The following EFCAB12 variants were observed in gnomAD, a reference collection of about 807,000 sequenced individuals.
EFCAB12 encodes the protein EF-hand calcium binding domain 12, also known as EF-hand calcium-binding domain-containing protein 12.
A neutral mutation model predicts 53.6 loss-of-function variants in EFCAB12; 43 were observed. The ratio of observed to expected loss-of-function variants is 0.80; its 90% CI spans 0.63 to 1.03. The LOEUF (loss-of-function observed/expected upper bound fraction) is 1.03, where lower values mean the gene tolerates loss of function less well. Ranked by LOEUF, EFCAB12 falls within the 50% of genes least tolerant of loss-of-function variation. EFCAB12 has a pLI of 0.00. For synonymous variants in EFCAB12, 269 were observed against 289.2 expected, an observed-to-expected ratio of 0.93 and a Z score of 0.71; for missense variants, 646 against 730.6, an observed-to-expected ratio of 0.88 and a Z score of 1.34.
At chr3:129,402,708 T>C (rs2071889562) in intron 7 of EFCAB12, 129 bp from the exon 8 acceptor site, 2 of 899,440 alleles carry the variant, frequency 2.2e-6, no homozygotes, top group Non-Finnish European at 3.3e-6. Flanking sequence ...GAAAGAAAAA[T>C]GTCTTCCACC....
At chr3:129,404,972 C>T (rs968882317) in intron 6 of EFCAB12, among the ~76,000 whole-genome samples, 1 of 152,164 alleles carries the variant, frequency 6.6e-6, no homozygotes, top group African/African-American at 2.4e-5. Context: ...ACCACCATGC[C>T]TGGCTGATTT....
chr3:129,421,850 T>C, intron 1 of EFCAB12, 47 bp from the exon 2 acceptor site: 1 of 1,536,974 alleles, frequency 6.5e-7, no homozygotes, highest in Non-Finnish European at 8.8e-7. Flanking sequence ...GGAAGAGGAC[T>C]GAAAGGAGCC....
chr3:129,404,501 TTCACA>T, intron 6 of EFCAB12, 98 bp from the exon 7 acceptor site: 2 of 1,269,314 alleles, frequency 1.6e-6, no homozygotes, highest in Non-Finnish European at 2.1e-6. Context: ...TTTTTTTTAA[TTCACA>T]TTTTTAAGAC....
chr3:129,407,606 T>C (rs1203504646), intron 6 of EFCAB12, among the ~76,000 whole-genome samples: 1 of 152,198 alleles, frequency 6.6e-6, no homozygotes, highest in Admixed American at 6.5e-5. Flanking sequence ...GAGAAGATCC[T>C]GCCCATTAAA....
rs1368065187 is a variant in EFCAB12, at chr3:129,408,581, C to T, written c.1249+64G>A. 3 of 1,518,872 alleles carry T rather than the reference C, an allele frequency of 2.0e-6. No individual in the cohort carries two copies. In the East Asian group the frequency reaches 7.4e-5, roughly 37 times the overall value. The allele number at this position is 1,518,872 out of a possible 1,614,324, so 94.1% of individuals were successfully genotyped here. A position where few individuals can be genotyped will look rare whatever the true frequency, so the allele number is the denominator to read the frequency against. On this transcript the variant is annotated intron_variant, in intron 6 of 8. Coordinates refer to ENST00000505956, the MANE Select transcript of EFCAB12 (RefSeq NM_207307.3). ...GCTGCATGGGTGCCCTGGGTGGCAT[C>T]ACCCTCACCCCAGCTCTGGGGTTCC...
chr3:129,417,670 T>G (rs2107740417), intron 3 of EFCAB12, among the ~76,000 whole-genome samples: 1 of 152,330 alleles, frequency 6.6e-6, no homozygotes, highest in African/African-American at 2.4e-5. Context: ...ATGTGACTAC[T>G]GAGCACTCAA....
At chr3:129,419,427 G>A (rs940127809) in intron 2 of EFCAB12, among the ~76,000 whole-genome samples, 1 of 152,162 alleles carries the variant, frequency 6.6e-6, no homozygotes, top group Non-Finnish European at 1.5e-5. Context: ...GTATTAACAG[G>A]TGGGGCCTTT....
rs779828106 is a variant in EFCAB12, at chr3:129,418,372, GACAGGGCAGGGGGCT to G, written c.548_562del (p.Glu183_Ser188delinsAla). On this transcript the variant is annotated inframe_deletion, in exon 3 of 9. Coordinates refer to ENST00000505956, the MANE Select transcript of EFCAB12 (RefSeq NM_207307.3). Reference sequence around the variant, plus strand: ...GCTATGCAGGTAGGAGTACATGACCGACAGGGCAGGGGGCTCGGGCAGCTGGAGCTGGGGCACCAT... The same window carrying G: ...GCTATGCAGGTAGGAGTACATGACCGCGGGCAGCTGGAGCTGGGGCACCAT... The G allele has an allele frequency of 1.2e-6, 2 of 1,613,678 alleles. No individual in the cohort carries two copies. The highest frequency in any genetic ancestry group is 2.2e-5 in the South Asian group (2 of 91,004).
At chr3:129,423,350 G>C (rs886698255) in intron 1 of EFCAB12, among the ~76,000 whole-genome samples, 3 of 152,190 alleles carry the variant, frequency 2.0e-5, no homozygotes, top group Non-Finnish European at 4.4e-5. Flanking sequence ...GAAGGGGCCA[G>C]GCATGGTAGC....
At chr3:129,426,677 T>A (rs2107744283) in intron 1 of EFCAB12, among the ~76,000 whole-genome samples, 1 of 150,848 alleles carries the variant, frequency 6.6e-6, no homozygotes, top group African/African-American at 2.4e-5. Context: ...GATCTTTTTT[T>A]ATTATTTATT....
At chr3:129,411,437 C>T in intron 4 of EFCAB12, 83 bp from the exon 5 acceptor site, 1 of 1,415,032 alleles carries the variant, frequency 7.1e-7, no homozygotes, top group Non-Finnish European at 9.5e-7. Flanking sequence ...TATCCAGTGT[C>T]ACCCAGCAGG....
chr3:129,418,925 T>C (rs1358745674), intron 2 of EFCAB12, among the ~76,000 whole-genome samples: 1 of 152,216 alleles, frequency 6.6e-6, no homozygotes, highest in Non-Finnish European at 1.5e-5. Context: ...TATTTTGTAA[T>C]GGATGATAAT....
At chr3:129,404,859 G>A (rs905321543) in intron 6 of EFCAB12, among the ~76,000 whole-genome samples, 78 of 152,232 alleles carry the variant, frequency 5.1e-4, no homozygotes, top group African/African-American at 1.7e-3. Flanking sequence ...TCACACTGTC[G>A]CCCAGGCTAA....
At position 129,421,535 on chromosome 3, in the gene EFCAB12, C is replaced by T; in HGVS notation, c.318G>A (p.Leu106=). ...QEQPEDRKTW[L]SQRSKLRQEL... ...CCTGCCGCAGCTTCGACCTCTGGCT[C>T]AGCCAGGTCTTCCTGTCCTCTGGCT... is the stretch of plus-strand genomic sequence containing the variant. Residue 106 remains leucine, a synonymous_variant, in exon 2 of 9, where the codon CTG becomes CTA. Transcript: ENST00000505956. 2 of 1,614,040 alleles carry T rather than the reference C, an allele frequency of 1.2e-6. No individual in the cohort carries two copies. Among genetic ancestry groups the T allele is most frequent in the Non-Finnish European group, 1.7e-6 (2 of 1,179,894 alleles).
intron 1 of EFCAB12, among the ~76,000 whole-genome samples, chr3:129,426,664 G>T (rs534213724): frequency 1.3e-5 from 2 of 149,788 alleles, no homozygotes; most frequent in African/African-American, 4.9e-5. Context: ...GCGCCCGGCC[G>T]GGGATCTTTT....
Position 129,418,984 on chromosome 3 carries a change from CCCTAGG to C in EFCAB12, c.487-542_487-537del, listed in dbSNP as rs1212433319. Among the ~76,000 whole-genome samples, 6 of 152,162 alleles carry C rather than the reference CCCTAGG, an allele frequency of 3.9e-5. No individual in the cohort carries two copies. The South Asian group carries it at 8.3e-4, about 21-fold the overall frequency. ...GCAGTTTACAAAGGGCCTTCCCATT[CCCTAGG>C]GTATTGTTCCTCTGTGCTCCTCCCA... On this transcript the variant is annotated intron_variant, in intron 2 of 8. Transcript: ENST00000505956.
Position 129,411,179 on chromosome 3 carries a change from G to GGTAC in EFCAB12, c.1013_1014insGTAC (p.Glu339TyrfsTer31). ...GTACCTTGTGCTGTCGCTGCCGCTC[G>GGTAC]CGGTACCGCTTGCCCACTTCCTCCA... On this transcript the variant is annotated frameshift_variant, in exon 5 of 9. Coordinates refer to ENST00000505956, the MANE Select transcript of EFCAB12 (RefSeq NM_207307.3). LOFTEE classifies it high-confidence loss of function. 1 of 1,603,454 alleles carries GGTAC rather than the reference G, an allele frequency of 6.2e-7. No homozygotes were observed. The highest frequency in any genetic ancestry group is 8.5e-7 in the Non-Finnish European group (1 of 1,175,084).
At chr3:129,415,002 A>G in intron 4 of EFCAB12, 1 of 387,058 alleles carries the variant, frequency 2.6e-6, no homozygotes, top group Non-Finnish European at 4.5e-6. Context: ...TCCTCCTCTA[A>G]GAACAAGGGC....
chr3:129,423,274 A>G (rs1177262374), intron 1 of EFCAB12, among the ~76,000 whole-genome samples: 1 of 152,204 alleles, frequency 6.6e-6, no homozygotes, highest in Non-Finnish European at 1.5e-5. Flanking sequence ...ACTCTGCTCT[A>G]TCTACCTCTT....
Sources: gnomAD v4.1 joint callset for allele counts (sites outside exome capture counted in the v4.1 genomes callset) on GRCh38, gnomAD v4.1.1 for gene constraint, MANE v1.5 for transcripts, NCBI Gene and HGNC (gene_info 2026-07-23, HGNC 2026-07-21) for gene names.